UNC5D: variants seen among roughly 807,000 people sequenced by gnomAD.
UNC5D encodes unc-5 netrin receptor D, also known as netrin receptor UNC5D.
A neutral mutation model predicts 105.4 loss-of-function variants in UNC5D; 39 were observed. That is an observed-to-expected ratio of 0.37 (90% CI 0.29 to 0.48). The LOEUF (loss-of-function observed/expected upper bound fraction) is 0.48. Ranked by LOEUF, UNC5D falls within the 20% of genes least tolerant of loss-of-function variation. The probability of loss-of-function intolerance (pLI) is 0.98; values close to 1 mark genes in which losing one functional copy is unlikely to be tolerated. For missense variants in UNC5D, 991 were observed against 1,202.4 expected, an observed-to-expected ratio of 0.82 and a Z score of 2.60; for synonymous variants, 452 against 450.4, an observed-to-expected ratio of 1.00 and a Z score of -0.04.
chr8:35,534,570 A>G (rs947317604), intron 1 of UNC5D, among the ~76,000 whole-genome samples: 1 of 151,488 alleles, frequency 6.6e-6, no homozygotes, highest in African/African-American at 2.4e-5. Flanking sequence ...TGATGGTTCT[A>G]CATTTACTTC....
intron 1 of UNC5D, among the ~76,000 whole-genome samples, chr8:35,433,858 AAAAG>A (rs1341470253): frequency 1.3e-5 from 2 of 151,486 alleles, no homozygotes; most frequent in South Asian, 2.1e-4. Flanking sequence ...AAAAAAAAAA[AAAAG>A]AAAGAAAAAG....
intron 1 of UNC5D, among the ~76,000 whole-genome samples, chr8:35,506,112 T>C (rs1176632400): frequency 6.6e-6 from 1 of 152,224 alleles, no homozygotes; most frequent in African/African-American, 2.4e-5. Flanking sequence ...AAGTAGGTTA[T>C]AAATTCTGTA....
At chr8:35,708,731 C>CTATACTATACTAT (rs2131468122) in intron 8 of UNC5D, among the ~76,000 whole-genome samples, 1 of 151,730 alleles carries the variant, frequency 6.6e-6, no homozygotes, top group South Asian at 2.1e-4. Context: ...CAATACTATA[C>CTATACTATACTAT]AGTCTCTCTT....
chr8:35,328,875 C>A (rs1265450276), intron 1 of UNC5D, among the ~76,000 whole-genome samples: 1 of 152,076 alleles, frequency 6.6e-6, no homozygotes, highest in Non-Finnish European at 1.5e-5. Context: ...TTTGTTTCTT[C>A]CCCAGTCACA....
At chr8:35,296,074 T>C (rs965087723) in intron 1 of UNC5D, among the ~76,000 whole-genome samples, 19 of 152,346 alleles carry the variant, frequency 1.2e-4, no homozygotes, top group Non-Finnish European at 1.2e-4. Flanking sequence ...CATCAGTTGA[T>C]GAACAGAGTT....
At chr8:35,323,888 G>A (rs542825789) in intron 1 of UNC5D, among the ~76,000 whole-genome samples, 7 of 152,068 alleles carry the variant, frequency 4.6e-5, no homozygotes, top group Admixed American at 6.6e-5. Context: ...ATCCCTGGTC[G>A]GTGCTCTTAA....
chr8:35,415,999 C>T (rs1805506635), intron 1 of UNC5D, among the ~76,000 whole-genome samples: 1 of 152,072 alleles, frequency 6.6e-6, no homozygotes. Context: ...TTAGTATTAA[C>T]ACTTACGTGA....
chr8:35,370,568 G>A (rs1477853731), intron 1 of UNC5D, among the ~76,000 whole-genome samples: 1 of 152,092 alleles, frequency 6.6e-6, no homozygotes, highest in Admixed American at 6.5e-5. Context: ...CTGTTTGAAT[G>A]TTGTATATAT....
intron 6 of UNC5D, 65 bp from the exon 7 acceptor site, chr8:35,686,480 G>A (rs1049503445): frequency 2.8e-5 from 41 of 1,480,238 alleles, no homozygotes; most frequent in African/African-American, 8.6e-5. Flanking sequence ...CAGCAGTCCT[G>A]GGGTGAGTCT....
At chr8:35,563,509 A>T (rs766674179) in intron 2 of UNC5D, among the ~76,000 whole-genome samples, 1 of 151,854 alleles carries the variant, frequency 6.6e-6, no homozygotes, top group African/African-American at 2.4e-5. Flanking sequence ...GTCAGTTCCA[A>T]TGTTTCTTGG....
intron 4 of UNC5D, among the ~76,000 whole-genome samples, chr8:35,657,080 G>GTGTGTGTGTA (rs1281641556): frequency 1.7e-4 from 8 of 46,520 alleles, no homozygotes; most frequent in South Asian, 9.8e-4. Flanking sequence ...GTGTGTGTGT[G>GTGTGTGTGTA]TATATATATA....
chr8:35,678,200 G>T (rs1825401415), intron 4 of UNC5D, among the ~76,000 whole-genome samples: 1 of 152,102 alleles, frequency 6.6e-6, no homozygotes, highest in African/African-American at 2.4e-5. Flanking sequence ...TGACAAGGGA[G>T]GATGTGAATC....
intron 1 of UNC5D, among the ~76,000 whole-genome samples, chr8:35,487,566 TAC>T (rs3048025): frequency 4.3e-3 from 484 of 111,946 alleles, no homozygotes; most frequent in African/African-American, 9.5e-3. Flanking sequence ...TCTCTCTCTG[TAC>T]ACACACACAC....
At chr8:35,449,676 C>T (rs745554000) in intron 1 of UNC5D, among the ~76,000 whole-genome samples, 4 of 152,084 alleles carry the variant, frequency 2.6e-5, no homozygotes, top group African/African-American at 7.2e-5. Context: ...TATTCTTGCC[C>T]GTTTTATGTC....
chr8:35,467,594 A>G (rs912439638), intron 1 of UNC5D, among the ~76,000 whole-genome samples: 3 of 150,434 alleles, frequency 2.0e-5, no homozygotes, highest in Non-Finnish European at 4.4e-5. Flanking sequence ...AAAAAAAAGA[A>G]GAAAAAATCA....
intron 2 of UNC5D, among the ~76,000 whole-genome samples, chr8:35,550,745 T>G (rs947432908): frequency 1.3e-5 from 2 of 152,128 alleles, no homozygotes; most frequent in Non-Finnish European, 2.9e-5. Flanking sequence ...TTAAATCACA[T>G]CTAACTAGGA....
intron 1 of UNC5D, among the ~76,000 whole-genome samples, chr8:35,324,686 C>T (rs1319915642): frequency 6.6e-6 from 1 of 152,062 alleles, no homozygotes; most frequent in Admixed American, 6.5e-5. Flanking sequence ...CATGAGATGA[C>T]CATGTTGCTA....
At position 35,467,589 on chromosome 8, in the gene UNC5D, A is replaced by AAAAG. The variant is rs1554537851; in HGVS notation, c.104-81701_104-81700insAGAA. Among the ~76,000 whole-genome samples the AAAAG allele has an allele frequency of 2.0e-3, 255 of 126,218 alleles. 6 individuals are homozygous for AAAAG. Among genetic ancestry groups the AAAAG allele is most frequent in the African/African-American group, 4.8e-3 (170 of 35,612 alleles). The allele number at this position is 126,218 out of a possible 152,430, so 82.8% of individuals were successfully genotyped here. On this transcript the variant is annotated intron_variant, in intron 1 of 16. Transcript: ENST00000404895. The stretch of plus-strand genomic sequence containing the variant: ...ATGACAGGCAAAAAAAAAAAAAAAA[A>AAAAG]AAGAAGAAAAAATCAGACTTGTTTG...
At chr8:35,405,043 TA>T (rs1274854305) in intron 1 of UNC5D, among the ~76,000 whole-genome samples, 1 of 152,196 alleles carries the variant, frequency 6.6e-6, no homozygotes, top group Admixed American at 6.5e-5. Flanking sequence ...TGCACATATT[TA>T]AAAAATATAT....
Sources: gnomAD v4.1 joint callset for allele counts (sites outside exome capture counted in the v4.1 genomes callset) on GRCh38, gnomAD v4.1.1 for gene constraint, MANE v1.5 for transcripts, NCBI Gene and HGNC (gene_info 2026-07-23, HGNC 2026-07-21) for gene names.